ZC3H8: variants seen among roughly 807,000 people sequenced by gnomAD.
ZC3H8 encodes the protein zinc finger CCCH-type containing 8.
In ZC3H8, 27 loss-of-function variants were observed where a neutral mutation model predicts 42.5. The ratio of observed to expected loss-of-function variants is 0.64; its 90% CI spans 0.47 to 0.88. The LOEUF is 0.88. Ranked by LOEUF, ZC3H8 falls within the 40% of genes least tolerant of loss-of-function variation. The pLI is 0.00. For synonymous variants in ZC3H8, 101 were observed against 110.1 expected (o/e 0.92, Z 0.52); for missense variants, 277 against 336.1 (o/e 0.82, Z 1.37).
intron 8 of ZC3H8, among the ~76,000 whole-genome samples, chr2:112,228,077 G>C (rs772219621): frequency 5.3e-5 from 8 of 152,234 alleles, no homozygotes; most frequent in Non-Finnish European, 7.3e-5. Flanking sequence ...CACTGTGATA[G>C]TGTATAAGGA....
At chr2:112,219,201 G>A (rs1218850670) in intron 8 of ZC3H8, among the ~76,000 whole-genome samples, 1 of 152,140 alleles carries the variant, frequency 6.6e-6, no homozygotes, top group East Asian at 1.9e-4. Context: ...CAAAGTGATA[G>A]TAATCAAAAC....
At chr2:112,227,252 C>T (rs1419405273) in intron 8 of ZC3H8, among the ~76,000 whole-genome samples, 2 of 152,192 alleles carry the variant, frequency 1.3e-5, no homozygotes, top group Non-Finnish European at 2.9e-5. Context: ...CAGCTGGGCG[C>T]GGTGGCTCAC....
At chr2:112,219,738 T>C (rs1356216068) in intron 8 of ZC3H8, among the ~76,000 whole-genome samples, 2 of 152,138 alleles carry the variant, frequency 1.3e-5, no homozygotes, top group Non-Finnish European at 2.9e-5. Flanking sequence ...GAGCAGAATG[T>C]ACATTCTGTT....
intron 2 of ZC3H8, among the ~76,000 whole-genome samples, chr2:112,243,058 C>G (rs1685638264): frequency 6.6e-6 from 1 of 152,198 alleles, no homozygotes; most frequent in Admixed American, 6.5e-5. Context: ...AATTTAAAAC[C>G]AGGTAAATAC....
chr2:112,232,352 G>A (rs1281744708), intron 6 of ZC3H8, among the ~76,000 whole-genome samples: 2 of 146,098 alleles, frequency 1.4e-5, no homozygotes, highest in Non-Finnish European at 1.5e-5. Context: ...CCTACTAGCA[G>A]AAACTGGATT....
intron 1 of ZC3H8, 72 bp from the exon 2 acceptor site, chr2:112,250,344 T>C: frequency 9.2e-7 from 1 of 1,084,114 alleles, no homozygotes; most frequent in Non-Finnish European, 1.3e-6. Context: ...GCGTTACAAT[T>C]CACTGCTTTG....
intron 2 of ZC3H8, among the ~76,000 whole-genome samples, chr2:112,246,351 A>G (rs559097503): frequency 1.6e-4 from 25 of 152,360 alleles, no homozygotes; most frequent in Admixed American, 4.6e-4. Flanking sequence ...TTTTAAGGTT[A>G]TAGTAGCCAT....
At chr2:112,242,946 C>T (rs1685635511) in intron 2 of ZC3H8, among the ~76,000 whole-genome samples, 1 of 152,172 alleles carries the variant, frequency 6.6e-6, no homozygotes, top group African/African-American at 2.4e-5. Flanking sequence ...TGATTGATTA[C>T]AGCAAAGAAA....
intron 2 of ZC3H8, among the ~76,000 whole-genome samples, chr2:112,242,022 C>T (rs1002697683): frequency 2.6e-5 from 4 of 152,158 alleles, no homozygotes; most frequent in Non-Finnish European, 1.5e-5. Flanking sequence ...CACTCACCAC[C>T]CAGTCAGGCT....
intron 2 of ZC3H8, among the ~76,000 whole-genome samples, chr2:112,239,795 G>C (rs1190207980): frequency 1.3e-5 from 2 of 152,090 alleles, no homozygotes; most frequent in African/African-American, 4.8e-5. Flanking sequence ...CTATTGGCCA[G>C]GCTGGTCCTG....
intron 2 of ZC3H8, among the ~76,000 whole-genome samples, chr2:112,249,025 T>G (rs1257006274): frequency 6.6e-6 from 1 of 152,046 alleles, no homozygotes; most frequent in Non-Finnish European, 1.5e-5. Flanking sequence ...CGAAACCCCA[T>G]GTATATTTTT....
intron 8 of ZC3H8, among the ~76,000 whole-genome samples, chr2:112,229,952 A>C (rs897398330): frequency 1.3e-5 from 2 of 151,906 alleles, no homozygotes; most frequent in Admixed American, 6.6e-5. Flanking sequence ...CAAAAAAAAA[A>C]AACAAAAAAC....
intron 4 of ZC3H8, among the ~76,000 whole-genome samples, chr2:112,236,352 G>A (rs1286804180): frequency 2.0e-5 from 3 of 152,154 alleles, no homozygotes; most frequent in African/African-American, 7.2e-5. Flanking sequence ...AAGTGGTGCT[G>A]GCAGCTAATC....
intron 2 of ZC3H8, among the ~76,000 whole-genome samples, chr2:112,241,330 C>A (rs1685576066): frequency 6.6e-6 from 1 of 152,128 alleles, no homozygotes; most frequent in East Asian, 1.9e-4. Context: ...CGACCACCCA[C>A]ATGGAGGTAC....
chr2:112,250,106 GT>G, intron 2 of ZC3H8, 84 bp downstream of exon 2: 1 of 1,014,862 alleles, frequency 9.9e-7, no homozygotes, highest in South Asian at 1.7e-5. Context: ...ATTTCCATCT[GT>G]TTTTTCTTTT....
chr2:112,230,789 A>G, intron 8 of ZC3H8, 114 bp downstream of exon 8: 1 of 601,396 alleles, frequency 1.7e-6, no homozygotes, highest in Non-Finnish European at 2.5e-6. Context: ...ATTCTTTTTT[A>G]GTGGCGGAGG....
intron 8 of ZC3H8, among the ~76,000 whole-genome samples, chr2:112,217,886 G>C (rs1158097904): frequency 1.3e-5 from 2 of 152,060 alleles, no homozygotes; most frequent in South Asian, 2.1e-4. Flanking sequence ...TTGTTTCTTT[G>C]TTTGGGTTTG....
chr2:112,212,884 CAGG>C lies in ZC3H8; in HGVS notation c.*3597_*3599del, dbSNP rs1684184183. On this transcript the variant is annotated 3_prime_UTR_variant, in exon 9 of 9. Transcript: ENST00000409573. ...ATGTGATGTCTTTGCTTATAATTGG[CAGG>C]AGGAGCCCCATGCTCTTTAGGCGCA... is the stretch of plus-strand genomic sequence containing the variant. 6.6e-6 allele frequency: 1 copy of C among 151,282 alleles called. No individual in the cohort carries two copies. Among genetic ancestry groups the C allele is most frequent in the Non-Finnish European group, 1.5e-5 (1 of 67,900 alleles). The allele number at this position is 151,282 out of a possible 1,614,324, so 9.4% of individuals were successfully genotyped here. A position where few individuals can be genotyped will look rare whatever the true frequency, so the allele number is the denominator to read the frequency against.
At chr2:112,234,603 C>T (rs1685235579) in intron 4 of ZC3H8, among the ~76,000 whole-genome samples, 1 of 152,112 alleles carries the variant, frequency 6.6e-6, no homozygotes, top group Admixed American at 6.5e-5. Flanking sequence ...GAGTTCAAGA[C>T]CAGCCTGGCC....
Sources: allele counts gnomAD v4.1 joint callset (sites outside exome capture counted in the v4.1 genomes callset), GRCh38; gene constraint gnomAD v4.1.1; transcripts MANE v1.5; gene names NCBI Gene and HGNC (gene_info 2026-07-23, HGNC 2026-07-21).